The following FBLN5 variants were observed in gnomAD, a reference collection of about 807,000 sequenced individuals.
FBLN5 encodes fibulin-5.
A neutral mutation model predicts 61.6 loss-of-function variants in FBLN5; 24 were observed. The ratio of observed to expected loss-of-function variants is 0.39; its 90% confidence interval spans 0.28 to 0.55. The LOEUF (loss-of-function observed/expected upper bound fraction) is 0.55, where lower values mean the gene tolerates loss of function less well. FBLN5 is among the 20% of genes least tolerant of loss of function. The pLI, the probability that FBLN5 is intolerant of heterozygous loss-of-function variation, is 0.65. For synonymous variants in FBLN5, 213 were observed against 219.8 expected (o/e 0.97, Z 0.27); for missense variants, 470 against 594.1 (o/e 0.79, Z 2.17).
At chr14:91,942,650 T>C (rs1218013169) in intron 2 of FBLN5, among the ~76,000 whole-genome samples, 1 of 152,106 alleles carries the variant, frequency 6.6e-6, no homozygotes, top group African/African-American at 2.4e-5. Flanking sequence ...TATAATAAAA[T>C]AGAAAAGAGT....
At chr14:91,876,127 T>C (rs1378803767) in intron 10 of FBLN5, among the ~76,000 whole-genome samples, 5 of 152,194 alleles carry the variant, frequency 3.3e-5, no homozygotes, top group Non-Finnish European at 7.3e-5. Flanking sequence ...AATTGTGAAA[T>C]TGTTAAACTG....
intron 1 of FBLN5, among the ~76,000 whole-genome samples, chr14:91,944,442 C>G (rs1482204422): frequency 6.6e-6 from 1 of 152,164 alleles, no homozygotes; most frequent in Non-Finnish European, 1.5e-5. Flanking sequence ...TCCAGCCATT[C>G]TACTTCTAGG....
intron 9 of FBLN5, among the ~76,000 whole-genome samples, chr14:91,879,612 C>A (rs947051905): frequency 6.6e-6 from 1 of 152,238 alleles, no homozygotes; most frequent in African/African-American, 2.4e-5. Flanking sequence ...GGAATAGAAG[C>A]TGGGAAGAGC....
At chr14:91,872,458 AG>A (rs1391212330) in intron 10 of FBLN5, among the ~76,000 whole-genome samples, 2 of 152,284 alleles carry the variant, frequency 1.3e-5, no homozygotes, top group Middle Eastern at 3.4e-3. Context: ...AGAAGCTGCA[AG>A]CAACAGTCTC....
chr14:91,946,895 C>T, intron 1 of FBLN5: 1 of 1,469,252 alleles, frequency 6.8e-7, no homozygotes, highest in South Asian at 1.4e-5. Flanking sequence ...AAAATACATA[C>T]AAAAATCCCT....
chr14:91,928,961 G>A (rs2055876317), intron 4 of FBLN5, among the ~76,000 whole-genome samples: 1 of 151,964 alleles, frequency 6.6e-6, no homozygotes, highest in East Asian at 1.9e-4. Flanking sequence ...GGGAGGCTGA[G>A]GCAGGAGAAT....
intron 10 of FBLN5, chr14:91,874,516 A>C (rs1200335876): frequency 2.0e-5 from 3 of 152,176 alleles, no homozygotes; most frequent in Non-Finnish European, 4.4e-5. Context: ...CTTAGGTTCA[A>C]ATCCTGCCCT....
intron 4 of FBLN5, among the ~76,000 whole-genome samples, chr14:91,915,752 C>A (rs4904824): frequency 0.94 from 140,517 of 148,834 alleles, 66,449 homozygotes; most frequent in Admixed American, 0.97. Context: ...ACTCACACAC[C>A]CAAAAATACC....
chr14:91,878,981 G>A (rs1236680053), intron 9 of FBLN5, among the ~76,000 whole-genome samples: 1 of 152,206 alleles, frequency 6.6e-6, no homozygotes, highest in Non-Finnish European at 1.5e-5. Flanking sequence ...TTAAAAGGCT[G>A]AGGCAGGACG....
chr14:91,943,246 C>T lies in FBLN5; in HGVS notation c.18-285G>A, dbSNP rs938249266. The stretch of plus-strand genomic sequence containing the variant: ...AGCTAAGGTCAGGTGCGGTGGCTTA[C>T]GCTTGTAATCCCAGCACTTTGAGAG... On this transcript the variant is annotated intron_variant, in intron 1 of 10. Coordinates refer to ENST00000342058, the MANE Select transcript of FBLN5 (RefSeq NM_006329.4). The surrounding 1 kb of genome is among the most constrained non-coding windows in gnomAD (Gnocchi z 4.0). Among the ~76,000 whole-genome samples, 10 of 152,134 alleles carry T rather than the reference C, an allele frequency of 6.6e-5. No homozygotes were observed. The highest frequency in any genetic ancestry group is 2.1e-4 in the South Asian group (1 of 4,812).
rs1359745566 is a variant in FBLN5 at position 91,943,161 on chromosome 14, A to G, written c.18-200T>C. Reference sequence around the variant, plus strand: ...CACACCTCTTCTACTTGCCTCCTGCATTGGGATCATGTGTTAGATCACACT... The same window carrying G: ...CACACCTCTTCTACTTGCCTCCTGCGTTGGGATCATGTGTTAGATCACACT... On this transcript the variant is annotated intron_variant, in intron 1 of 10. Transcript: ENST00000342058. The surrounding 1 kb of genome is among the most constrained non-coding windows in gnomAD (Gnocchi z 4.0). Among the ~76,000 whole-genome samples, 1 of 151,928 alleles carries G rather than the reference A, an allele frequency of 6.6e-6. No homozygotes were observed. Among genetic ancestry groups the G allele is most frequent in the Non-Finnish European group, 1.5e-5 (1 of 67,968 alleles).
chr14:91,929,887 T>C (rs2055895104), intron 4 of FBLN5, among the ~76,000 whole-genome samples: 1 of 152,126 alleles, frequency 6.6e-6, no homozygotes, highest in African/African-American at 2.4e-5. Context: ...TTTCCCCAGG[T>C]GATTCATGGG....
intron 4 of FBLN5, among the ~76,000 whole-genome samples, chr14:91,911,530 G>C (rs2300139): frequency 0.31 from 47,577 of 152,018 alleles, 7,694 homozygotes; most frequent in Non-Finnish European, 0.36. Flanking sequence ...GTGTGAGGGC[G>C]GGGAGCCCAC....
intron 7 of FBLN5, among the ~76,000 whole-genome samples, chr14:91,885,490 C>T (rs1042853983): frequency 2.3e-4 from 35 of 152,162 alleles, no homozygotes; most frequent in African/African-American, 8.0e-4. Context: ...CTTGGATCCT[C>T]CCTGGGACAT....
At chr14:91,944,859 G>A (rs754832480) in intron 1 of FBLN5, among the ~76,000 whole-genome samples, 1 of 152,218 alleles carries the variant, frequency 6.6e-6, no homozygotes, top group Non-Finnish European at 1.5e-5. Flanking sequence ...GGTGAAAAGA[G>A]TTCTGGAGAT....
At chr14:91,923,734 C>T (rs999648606) in intron 4 of FBLN5, among the ~76,000 whole-genome samples, 1 of 152,130 alleles carries the variant, frequency 6.6e-6, no homozygotes, top group African/African-American at 2.4e-5. Context: ...CCCTCCAAAA[C>T]CCCCACTCAC....
rs758239125 is a variant in FBLN5 at position 91,947,199 on chromosome 14, C to A, written c.17+14G>T. On this transcript the variant is annotated intron_variant, in intron 1 of 10. Coordinates refer to ENST00000342058, the MANE Select transcript of FBLN5 (RefSeq NM_006329.4). This position sits in a 1 kb window ranked among gnomAD's most constrained non-coding sequence, Gnocchi z 4.3. Reference sequence around the variant, plus strand: ...AGACCCTGGAGAAAGAAAAGTCCAGCGCCGAGAACCCACCTTTTTATTCCT... The same window carrying A: ...AGACCCTGGAGAAAGAAAAGTCCAGAGCCGAGAACCCACCTTTTTATTCCT... 3 of 1,614,190 alleles carry A rather than the reference C, an allele frequency of 1.9e-6. No homozygotes were observed. In the East Asian group the frequency reaches 6.7e-5, roughly 36 times the overall value.
At chr14:91,937,362 G>T (rs552788307) in intron 3 of FBLN5, among the ~76,000 whole-genome samples, 161 bp from the exon 4 acceptor site, 7 of 152,214 alleles carry the variant, frequency 4.6e-5, no homozygotes, top group Admixed American at 3.9e-4. Context: ...TGGCTGAAGT[G>T]TATCAAAGTA....
At chr14:91,924,049 G>C (rs1448615696) in intron 4 of FBLN5, among the ~76,000 whole-genome samples, 5 of 152,196 alleles carry the variant, frequency 3.3e-5, no homozygotes, top group Admixed American at 3.3e-4. Flanking sequence ...TCGCCAGGGG[G>C]TGATGATATC....
Sources: allele counts gnomAD v4.1 joint callset (sites outside exome capture counted in the v4.1 genomes callset), GRCh38; gene constraint gnomAD v4.1.1; non-coding constraint Gnocchi (gnomAD v3.1); transcripts MANE v1.5; gene names NCBI Gene and HGNC (gene_info 2026-07-23, HGNC 2026-07-21).